The following VCF1 variants were observed in gnomAD, a reference collection of about 807,000 sequenced individuals.
VCF1 encodes protein VCF1.
the VCF1 span, among the ~76,000 whole-genome samples, chr17:73,230,930 C>T: frequency 8.9e-4 from 135 of 152,226 alleles, no homozygotes; most frequent in African/African-American, 3.0e-3. Flanking sequence ...ATATGTGAGA[C>T]ACCCCAAGAG....
the VCF1 span, chr17:73,208,567 G>A: frequency 8.6e-6 from 11 of 1,279,818 alleles, no homozygotes; most frequent in African/African-American, 1.5e-4. Flanking sequence ...CTGATGGAAT[G>A]TGGCCCCCTA....
At chr17:73,227,034 G>C in the VCF1 span, 1 of 648,904 alleles carries the variant, frequency 1.5e-6, no homozygotes, top group Non-Finnish European at 2.4e-6. Flanking sequence ...TTTGGAAACA[G>C]AAAGGTTAAA....
the VCF1 span, chr17:73,208,123 T>C: frequency 6.8e-7 from 1 of 1,462,932 alleles, no homozygotes; most frequent in Non-Finnish European, 9.0e-7. Context: ...TCTAGTTTTG[T>C]CACAAAGGCT....
At chr17:73,209,542 C>T in the VCF1 span, 15 of 1,584,316 alleles carry the variant, frequency 9.5e-6, no homozygotes, top group Admixed American at 3.6e-5. Context: ...TGTCAGAGGC[C>T]GCCCTCGGTG....
the VCF1 span, chr17:73,232,239 G>A: frequency 1.2e-6 from 2 of 1,611,808 alleles, no homozygotes; most frequent in South Asian, 1.1e-5. Context: ...GGACGCAGCC[G>A]GTGGCGAGTA....
At chr17:73,210,635 T>C in the VCF1 span, among the ~76,000 whole-genome samples, 1 of 152,138 alleles carries the variant, frequency 6.6e-6, no homozygotes. Context: ...CTCACTCTGT[T>C]ACGCAGGCTC....
chr17:73,224,057 G>T, the VCF1 span, among the ~76,000 whole-genome samples: 1 of 145,512 alleles, frequency 6.9e-6, no homozygotes, highest in East Asian at 2.1e-4. Context: ...AGGAAGGAGG[G>T]GAAGAGAAGA....
the VCF1 span, chr17:73,207,858 A>T: frequency 8.2e-7 from 1 of 1,218,146 alleles, no homozygotes; most frequent in East Asian, 5.9e-5. Flanking sequence ...TCCTTTCCGT[A>T]TTCCCTACCA....
At chr17:73,225,984 C>T in the VCF1 span, among the ~76,000 whole-genome samples, 1 of 149,364 alleles carries the variant, frequency 6.7e-6, no homozygotes, top group Non-Finnish European at 1.5e-5. Context: ...TCACTGCAAC[C>T]TCTGCCTCCT....
the VCF1 span, among the ~76,000 whole-genome samples, chr17:73,217,627 C>T: frequency 2.0e-5 from 3 of 148,064 alleles, no homozygotes; most frequent in South Asian, 2.2e-4. Context: ...TCCAGCCTGG[C>T]GACAGAGTGA....
At chr17:73,215,263 C>G in the VCF1 span, among the ~76,000 whole-genome samples, 1 of 152,170 alleles carries the variant, frequency 6.6e-6, no homozygotes, top group African/African-American at 2.4e-5. Context: ...ATGATACAAT[C>G]TATTTTGGAA....
chr17:73,229,091 T>C, the VCF1 span: 6 of 964,278 alleles, frequency 6.2e-6, no homozygotes, highest in Non-Finnish European at 7.4e-6. Context: ...TGAGATGATT[T>C]TGTGGATTTC....
chr17:73,219,432 G>A, the VCF1 span, among the ~76,000 whole-genome samples: 1 of 151,344 alleles, frequency 6.6e-6, no homozygotes, highest in African/African-American at 2.4e-5. Flanking sequence ...GGTGGATCAC[G>A]AGGTCAGGAG....
the VCF1 span, chr17:73,208,333 C>T: frequency 6.2e-7 from 1 of 1,614,028 alleles, no homozygotes; most frequent in Non-Finnish European, 8.5e-7. Flanking sequence ...CCGGCACGCT[C>T]CACAGCTGGT....
chr17:73,228,312 T>G, the VCF1 span, among the ~76,000 whole-genome samples: 43 of 152,370 alleles, frequency 2.8e-4, no homozygotes, highest in South Asian at 8.1e-3. Context: ...ACACAGCTCT[T>G]GGAAAGCATG....
chr17:73,218,888 C>T, the VCF1 span, among the ~76,000 whole-genome samples: 3 of 152,012 alleles, frequency 2.0e-5, no homozygotes, highest in Admixed American at 2.0e-4. Context: ...GGCGTGGTGG[C>T]GTGCGCCTGT....
the VCF1 span, chr17:73,212,585 C>T: frequency 8.9e-6 from 9 of 1,013,992 alleles, no homozygotes; most frequent in Admixed American, 2.4e-4. Context: ...AAAGGCGTCT[C>T]CTAACCTAGT....
At chr17:73,217,126 T>A in the VCF1 span, among the ~76,000 whole-genome samples, 949 of 152,194 alleles carry the variant, frequency 6.2e-3, 4 homozygotes, top group Non-Finnish European at 1.0e-2. Context: ...GGCCAGGAGT[T>A]CGAGACCAGC....
At chr17:73,227,752 C>G in the VCF1 span, 1 of 614,354 alleles carries the variant, frequency 1.6e-6, no homozygotes, top group African/African-American at 2.0e-5. Flanking sequence ...CTTATTCTGG[C>G]AACACTAGCC....
Sources: allele counts gnomAD v4.1 joint callset (sites outside exome capture counted in the v4.1 genomes callset), GRCh38; gene constraint gnomAD v4.1.1; transcripts MANE v1.5; gene names NCBI Gene and HGNC (gene_info 2026-07-23, HGNC 2026-07-21).